The following PRDM16 variants were observed in gnomAD, a reference collection of about 807,000 sequenced individuals.
PRDM16 encodes histone-lysine N-methyltransferase PRDM16.
A neutral mutation model predicts 110.6 loss-of-function variants in PRDM16; 23 were observed. The observed-to-expected ratio is 0.21, with a 90% confidence interval of 0.15 to 0.29. The LOEUF is 0.29. Ranked by LOEUF, PRDM16 falls within the 10% of genes least tolerant of loss-of-function variation. The pLI, the probability that PRDM16 is intolerant of heterozygous loss-of-function variation, is 1.00. For missense variants in PRDM16, 1,615 were observed against 1,794.3 expected (o/e 0.90, Z 1.81); for synonymous variants, 799 against 781.8 (o/e 1.02, Z -0.37).
Position 3,165,910 on chromosome 1 carries a change from CAG to C in PRDM16, c.38-20214_38-20213del, listed in dbSNP as rs1207673963. 2.7e-4 allele frequency among the ~76,000 whole-genome samples: 37 copies of C among 138,598 alleles called. 11 individuals are homozygous for C. The highest frequency in any genetic ancestry group is 1.1e-3 in the African/African-American group (37 of 33,424). 90.9% of individuals were successfully genotyped at this position (138,598 alleles called of 152,430 possible). On this transcript the variant is annotated intron_variant, in intron 1 of 16. Transcript: ENST00000270722. ...ACAGGGACTCACCTGGGCTCAGGGA[CAG>C]GGACTCACCTGGGCTCAGGGACAGG...
intron 8 of PRDM16, among the ~76,000 whole-genome samples, chr1:3,407,857 T>C (rs574288718): frequency 6.6e-6 from 1 of 152,348 alleles, no homozygotes; most frequent in East Asian, 1.9e-4. Context: ...CTCTTGCGCT[T>C]CTTGTCCACA....
rs34858929 is a variant in PRDM16, at chr1:3,157,422, T to TA, written c.38-28683dup. ...GCTCCCAGGCCTTTTGCGATCCCAT[T>TA]AAAAAAAAAAAAAAAAAAAACACCT... is the stretch of plus-strand genomic sequence containing the variant. On this transcript the variant is annotated intron_variant, in intron 1 of 16. Coordinates refer to ENST00000270722, the MANE Select transcript of PRDM16 (RefSeq NM_022114.4). This position sits in a 1 kb window ranked among gnomAD's most constrained non-coding sequence, Gnocchi z 4.8. 0.06 allele frequency among the ~76,000 whole-genome samples: 7,375 copies of TA among 122,074 alleles called. 370 individuals are homozygous for TA. The highest frequency in any genetic ancestry group is 0.17 in the East Asian group (747 of 4,294). 80.1% of individuals were successfully genotyped at this position (122,074 alleles called of 152,430 possible). A position where few individuals can be genotyped will look rare whatever the true frequency, so the allele number is the denominator to read the frequency against.
chr1:3,321,943 G>A (rs1238928552), intron 3 of PRDM16, among the ~76,000 whole-genome samples: 1 of 150,924 alleles, frequency 6.6e-6, no homozygotes, highest in African/African-American at 2.4e-5. Flanking sequence ...GTGTATGTTT[G>A]GCATGCATGT....
Position 3,243,092 on chromosome 1 carries a change from AC to A in PRDM16, c.388-993del, listed in dbSNP as rs1326740212. Among the ~76,000 whole-genome samples the A allele has an allele frequency of 6.6e-6, 1 of 152,042 alleles. No homozygotes were observed. The highest frequency in any genetic ancestry group is 1.5e-5 in the Non-Finnish European group (1 of 68,002). ...GCCAAAGAACGTTCCGGCTGGAGCG[AC>A]CTGGGAGGAAGAACGAGCCGACTGC... On this transcript the variant is annotated intron_variant, in intron 2 of 16. Coordinates refer to ENST00000270722, the MANE Select transcript of PRDM16 (RefSeq NM_022114.4). This position sits in a 1 kb window ranked among gnomAD's most constrained non-coding sequence, Gnocchi z 5.5.
chr1:3,077,052 C>G (rs1306714195), intron 1 of PRDM16, among the ~76,000 whole-genome samples: 2 of 152,198 alleles, frequency 1.3e-5, no homozygotes. Flanking sequence ...GTGACCCCCA[C>G]AGGGCAGGTC....
In PRDM16 at chr1:3,142,367, C is replaced by T. The variant is rs370462216; in HGVS notation, c.38-43758C>T. Among the ~76,000 whole-genome samples, 5 of 152,348 alleles carry T rather than the reference C, an allele frequency of 3.3e-5. No individual in the cohort carries two copies. The East Asian group carries it at 5.8e-4, about 18-fold the overall frequency. On this transcript the variant is annotated intron_variant, in intron 1 of 16. Transcript: ENST00000270722. ...CCTGTCCCGGGGGTGCGGTGGGGAC[C>T]GGCCCTCCCTGGCTCCTGCCAGAGA... is the stretch of plus-strand genomic sequence containing the variant.
intron 3 of PRDM16, among the ~76,000 whole-genome samples, chr1:3,271,462 T>C (rs956449799): frequency 6.6e-6 from 1 of 152,160 alleles, no homozygotes; most frequent in Admixed American, 6.5e-5. Flanking sequence ...AAGAAAATGG[T>C]AGCCCTTAGG....
rs1448855127 is a variant in PRDM16, at chr1:3,206,613, C to T, written c.387+20139C>T. On this transcript the variant is annotated intron_variant, in intron 2 of 16. Transcript: ENST00000270722. The surrounding 1 kb of genome is among the most constrained non-coding windows in gnomAD (Gnocchi z 4.9). Reference sequence around the variant, plus strand: ...CTCCTGTGCACACACCCCTCCCGGCCCTTCCATGGAGGACCTGTAGGAACC... The same window carrying T: ...CTCCTGTGCACACACCCCTCCCGGCTCTTCCATGGAGGACCTGTAGGAACC... 1 of 152,266 alleles carries T rather than the reference C, an allele frequency of 6.6e-6. No individual in the cohort carries two copies. Among genetic ancestry groups the T allele is most frequent in the Non-Finnish European group, 1.5e-5 (1 of 68,084 alleles). 9.4% of individuals were successfully genotyped at this position (152,266 alleles called of 1,614,324 possible).
At chr1:3,349,206 G>T (rs1013167084) in intron 3 of PRDM16, among the ~76,000 whole-genome samples, 3 of 152,200 alleles carry the variant, frequency 2.0e-5, no homozygotes, top group Admixed American at 6.5e-5. Flanking sequence ...CTGTCTGGGC[G>T]CAGCATTCCT....
intron 1 of PRDM16, among the ~76,000 whole-genome samples, chr1:3,119,853 C>T (rs1422856609): frequency 6.6e-6 from 1 of 152,254 alleles, no homozygotes; most frequent in Non-Finnish European, 1.5e-5. Flanking sequence ...GCTGACACAG[C>T]CCATCTGCAG....
chr1:3,078,395 G>A (rs1641946700), intron 1 of PRDM16, among the ~76,000 whole-genome samples: 1 of 152,206 alleles, frequency 6.6e-6, no homozygotes, highest in South Asian at 2.1e-4. Flanking sequence ...TCCCTCGCCT[G>A]GGGGTCTGGA....
chr1:3,110,702 C>T (rs1642772033), intron 1 of PRDM16, among the ~76,000 whole-genome samples: 1 of 152,226 alleles, frequency 6.6e-6, no homozygotes, highest in African/African-American at 2.4e-5. Context: ...TCAAGATCAG[C>T]TTGGTGTGAA....
chr1:3,200,509 A>AT (rs1243874324), intron 2 of PRDM16, among the ~76,000 whole-genome samples: 9 of 151,910 alleles, frequency 5.9e-5, no homozygotes, highest in East Asian at 1.9e-4. Context: ...CGCCTGGCTA[A>AT]TTTTTTGTAT....
At chr1:3,413,876 C>T (rs142072204) in intron 9 of PRDM16, among the ~76,000 whole-genome samples, 138 of 152,308 alleles carry the variant, frequency 9.1e-4, no homozygotes, top group African/African-American at 3.2e-3. Context: ...GCAGGCTTGT[C>T]ACCGGCATCT....
intron 3 of PRDM16, among the ~76,000 whole-genome samples, chr1:3,356,373 G>A (rs141247369): frequency 0.018 from 2,793 of 152,316 alleles, 34 homozygotes; most frequent in Non-Finnish European, 0.029. Context: ...TGCGGCTGCC[G>A]TCTCATCAGG....
At chr1:3,089,354 G>C (rs1295264361) in intron 1 of PRDM16, among the ~76,000 whole-genome samples, 1 of 152,344 alleles carries the variant, frequency 6.6e-6, no homozygotes, top group Admixed American at 6.5e-5. Context: ...CCCCACCGGG[G>C]CTGTGACCCC....
At chr1:3,280,221 C>T (rs765278345) in intron 3 of PRDM16, among the ~76,000 whole-genome samples, 44 of 152,124 alleles carry the variant, frequency 2.9e-4, no homozygotes, top group African/African-American at 6.3e-4. Flanking sequence ...TTGTTGAAGC[C>T]GACTCTGTGT....
intron 1 of PRDM16, among the ~76,000 whole-genome samples, chr1:3,088,125 C>T (rs190636833): frequency 3.3e-5 from 5 of 152,216 alleles, no homozygotes; most frequent in Non-Finnish European, 5.9e-5. Context: ...GCTGCTCCTT[C>T]GCCTGACCTC....
chr1:3,253,144 A>AC (rs942670169), intron 3 of PRDM16, among the ~76,000 whole-genome samples: 2 of 151,770 alleles, frequency 1.3e-5, no homozygotes, highest in Non-Finnish European at 2.9e-5. Context: ...AGGTAGTATC[A>AC]CCCCCACCAG....
Sources: gnomAD v4.1 joint callset for allele counts (sites outside exome capture counted in the v4.1 genomes callset) on GRCh38, gnomAD v4.1.1 for gene constraint, Gnocchi (gnomAD v3.1) non-coding constraint, MANE v1.5 for transcripts, NCBI Gene and HGNC (gene_info 2026-07-23, HGNC 2026-07-21) for gene names.